Variants in SFXN5 observed in about 807,000 individuals in gnomAD.
SFXN5 encodes sideroflexin 5, also known as sideroflexin-5.
In SFXN5, 43 loss-of-function variants were observed where a neutral mutation model predicts 50.2. The ratio of observed to expected loss-of-function variants is 0.86; its 90% CI spans 0.67 to 1.11. The LOEUF is 1.11. Among genes scored for constraint, SFXN5 ranks in the 50% least tolerant of loss-of-function variants. The pLI, the probability that SFXN5 is intolerant of heterozygous loss-of-function variation, is 0.00. For missense variants in SFXN5, 463 were observed against 454.1 expected, an observed-to-expected ratio of 1.02 and a Z score of -0.18; for synonymous variants, 203 against 185.8, an observed-to-expected ratio of 1.09 and a Z score of -0.75.
intron 11 of SFXN5, 74 bp from the exon 12 acceptor site, chr2:72,968,607 A>G: frequency 2.2e-6 from 3 of 1,376,364 alleles, no homozygotes; most frequent in African/African-American, 1.4e-5. Context: ...CCAGAGCCCT[A>G]GGTGTGTGCC....
chr2:73,039,959 C>T (rs1679412355), intron 3 of SFXN5, among the ~76,000 whole-genome samples: 1 of 151,900 alleles, frequency 6.6e-6, no homozygotes, highest in Non-Finnish European at 1.5e-5. Flanking sequence ...TACAGGCGTC[C>T]ACCACCATGC....
chr2:72,950,685 G>C lies in SFXN5; in HGVS notation c.946-5586C>G, dbSNP rs562926949. Among the ~76,000 whole-genome samples, 1 of 152,372 alleles carries C rather than the reference G, an allele frequency of 6.6e-6. No homozygotes were observed. Among genetic ancestry groups the C allele is most frequent in the South Asian group, 2.1e-4 (1 of 4,834 alleles). The stretch of plus-strand genomic sequence containing the variant: ...GTTTTCTCCAAGGGAACCACATCTA[G>C]GGCCTTGCCTGGCAGTGGCCTCTGG... On this transcript the variant is annotated intron_variant, in intron 13 of 13. Coordinates refer to ENST00000272433, the MANE Select transcript of SFXN5 (RefSeq NM_144579.3). The surrounding 1 kb of genome is among the most constrained non-coding windows in gnomAD (Gnocchi z 4.2).
At chr2:73,048,359 G>A (rs917436395) in intron 2 of SFXN5, among the ~76,000 whole-genome samples, 1 of 152,120 alleles carries the variant, frequency 6.6e-6, no homozygotes, top group African/African-American at 2.4e-5. Flanking sequence ...GGGATTACAG[G>A]CATGTGCCAC....
chr2:72,999,120 G>C (rs1206997632), intron 8 of SFXN5, 106 bp from the exon 9 acceptor site: 1 of 1,226,146 alleles, frequency 8.2e-7, no homozygotes, highest in African/African-American at 1.5e-5. Context: ...CACCAGCCTG[G>C]AAAGTGGGTA....
chr2:73,054,780 T>G (rs184544519), intron 2 of SFXN5, among the ~76,000 whole-genome samples: 2 of 152,380 alleles, frequency 1.3e-5, no homozygotes, highest in African/African-American at 4.8e-5. Flanking sequence ...ATTTTAGGAC[T>G]GCAAATGTGT....
intron 3 of SFXN5, among the ~76,000 whole-genome samples, chr2:73,031,894 G>A: frequency 6.6e-6 from 1 of 152,210 alleles, no homozygotes; most frequent in East Asian, 1.9e-4. Context: ...AGCAGGGACA[G>A]GAGGTAGAAG....
chr2:73,040,094 A>G (rs1679428668), intron 3 of SFXN5, among the ~76,000 whole-genome samples: 2 of 152,198 alleles, frequency 1.3e-5, no homozygotes, highest in African/African-American at 4.8e-5. Flanking sequence ...TACAGGTGTG[A>G]GCCACCGTGC....
chr2:73,019,131 A>C (rs749036818), intron 6 of SFXN5, among the ~76,000 whole-genome samples: 1 of 152,262 alleles, frequency 6.6e-6, no homozygotes, highest in Non-Finnish European at 1.5e-5. Flanking sequence ...TGTTACAGAT[A>C]ACAATATGAA....
intron 11 of SFXN5, 58 bp from the exon 12 acceptor site, chr2:72,968,591 C>T: frequency 1.9e-6 from 3 of 1,541,412 alleles, no homozygotes; most frequent in Non-Finnish European, 2.7e-6. Context: ...CAGGACAGCA[C>T]ACCACCCAGA....
At chr2:72,964,159 C>T (rs1345341410) in intron 12 of SFXN5, among the ~76,000 whole-genome samples, 1 of 152,212 alleles carries the variant, frequency 6.6e-6, no homozygotes, top group African/African-American at 2.4e-5. Flanking sequence ...GGCCGCCACA[C>T]CACAGCTTGT....
intron 2 of SFXN5, chr2:73,041,805 T>G: frequency 5.2e-6 from 1 of 192,170 alleles, no homozygotes; most frequent in East Asian, 1.4e-4. Flanking sequence ...CAGGCTCAAG[T>G]GATCCTCCCA....
rs779769381 is a variant in SFXN5 at position 73,058,580 on chromosome 2, C to T, written c.119G>A (p.Arg40His). 1.2e-5 allele frequency: 19 copies of T among 1,613,864 alleles called. No homozygotes were observed. Among genetic ancestry groups the T allele is most frequent in the Admixed American group, 1.7e-5 (1 of 60,004 alleles). Reference sequence around the variant, plus strand: ...GATGATATCCAAGAAGTGCCTGAAGCGGCCATAGAAGGACGTCTGAAGAAG... The same window carrying T: ...GATGATATCCAAGAAGTGCCTGAAGTGGCCATAGAAGGACGTCTGAAGAAG... ...PRFQQTSFYG[R>H]FRHFLDIIDP... The change falls in exon 2 of 14, where the codon CGC becomes CAC. Residue 40 changes from arginine to histidine, a missense_variant. Physicochemically the swap from Arg to His is conservative, Grantham distance 29. Coordinates refer to ENST00000272433, the MANE Select transcript of SFXN5 (RefSeq NM_144579.3).
In SFXN5 at chr2:73,006,945, A is replaced by G. The variant is rs998570848; in HGVS notation, c.358-5367T>C. 1.3e-5 allele frequency among the ~76,000 whole-genome samples: 2 copies of G among 152,232 alleles called. 1 individual carries two copies. The highest frequency in any genetic ancestry group is 2.9e-5 in the Non-Finnish European group (2 of 68,034). On this transcript the variant is annotated intron_variant, in intron 6 of 13. Transcript: ENST00000272433. ...GCCTAGTCTCAAGACAGAGTAAGGA[A>G]TGGGGCCAATGGCACCCATATGGTA...
chr2:73,047,238 AAAAAAAAATATATATATAT>A (rs1559199303), intron 2 of SFXN5, among the ~76,000 whole-genome samples: 3 of 62,632 alleles, frequency 4.8e-5, no homozygotes, highest in African/African-American at 2.3e-4. Flanking sequence ...AAAAAAAAAA[AAAAAAAAATATATATATAT>A]ATATATATAT....
At chr2:72,947,714 A>G (rs1436306552) in intron 13 of SFXN5, among the ~76,000 whole-genome samples, 1 of 152,004 alleles carries the variant, frequency 6.6e-6, no homozygotes, top group Non-Finnish European at 1.5e-5. Flanking sequence ...AGTCGCTGGT[A>G]CCCCGTTACC....
At chr2:73,065,717 G>A (rs566441276) in intron 1 of SFXN5, among the ~76,000 whole-genome samples, 88 of 150,318 alleles carry the variant, frequency 5.9e-4, no homozygotes, top group African/African-American at 2.0e-3. Flanking sequence ...ATCTTGAAGG[G>A]CTATTTTTTG....
At chr2:72,951,950 G>T (rs1169145901) in intron 13 of SFXN5, among the ~76,000 whole-genome samples, 2 of 152,198 alleles carry the variant, frequency 1.3e-5, no homozygotes, top group Admixed American at 1.3e-4. Context: ...GGCTGGGCAG[G>T]CCCCATGTCC....
chr2:73,054,005 A>G (rs754240510), intron 2 of SFXN5, among the ~76,000 whole-genome samples: 4 of 152,206 alleles, frequency 2.6e-5, no homozygotes, highest in Non-Finnish European at 2.9e-5. Flanking sequence ...AGGGACTCAG[A>G]GGCCTCTAAT....
At position 73,047,961 on chromosome 2, in the gene SFXN5, ATAAT is replaced by A. The variant is rs575589021; in HGVS notation, c.172-7034_172-7031del. On this transcript the variant is annotated intron_variant, in intron 2 of 13. Coordinates refer to ENST00000272433, the MANE Select transcript of SFXN5 (RefSeq NM_144579.3). Reference sequence around the variant, plus strand: ...AAACCACCCAAATGGTCAAGAGTAAATAATTAATAGAATAACCATGTGATGAATT... The same window carrying A: ...AAACCACCCAAATGGTCAAGAGTAAATAATAGAATAACCATGTGATGAATT... 6.4e-3 allele frequency among the ~76,000 whole-genome samples: 974 copies of A among 152,324 alleles called. 11 individuals carry two copies. The highest frequency in any genetic ancestry group is 0.022 in the African/African-American group (928 of 41,560).
Sources: allele counts gnomAD v4.1 joint callset (sites outside exome capture counted in the v4.1 genomes callset), GRCh38; gene constraint gnomAD v4.1.1; non-coding constraint Gnocchi (gnomAD v3.1); transcripts MANE v1.5; gene names NCBI Gene and HGNC (gene_info 2026-07-23, HGNC 2026-07-21).